Variants in DRGX observed in about 807,000 individuals in gnomAD.
DRGX encodes the protein dorsal root ganglia homeobox protein.
A neutral mutation model predicts 28.6 loss-of-function variants in DRGX; 21 were observed. That is an observed-to-expected ratio of 0.73 (90% CI 0.52 to 1.06). The LOEUF (loss-of-function observed/expected upper bound fraction) is 1.06. Among genes scored for constraint, DRGX ranks in the 50% least tolerant of loss-of-function variants. DRGX has a pLI of 0.00. For missense variants in DRGX, 354 were observed against 343.9 expected (o/e 1.03, Z -0.23); for synonymous variants, 136 against 139.1 (o/e 0.98, Z 0.16).
intron 6 of DRGX, among the ~76,000 whole-genome samples, chr10:49,380,543 T>C (rs1423958238): frequency 6.6e-6 from 1 of 152,228 alleles, no homozygotes; most frequent in Non-Finnish European, 1.5e-5. Context: ...GTAGGGTTCC[T>C]GCTCTCTTCT....
intron 6 of DRGX, among the ~76,000 whole-genome samples, chr10:49,373,869 T>G (rs1849690102): frequency 6.6e-6 from 1 of 152,142 alleles, no homozygotes; most frequent in African/African-American, 2.4e-5. Flanking sequence ...CACATAAATC[T>G]AGCTTCATAG....
chr10:49,379,577 C>T (rs1032266185), intron 6 of DRGX, among the ~76,000 whole-genome samples: 2 of 152,164 alleles, frequency 1.3e-5, no homozygotes, highest in Non-Finnish European at 2.9e-5. Context: ...CAATACAGCC[C>T]TCAGAAGCTG....
chr10:49,393,603 G>A (rs1249080092), intron 2 of DRGX, among the ~76,000 whole-genome samples: 1 of 152,128 alleles, frequency 6.6e-6, no homozygotes, highest in Non-Finnish European at 1.5e-5. Context: ...AAGATGATAG[G>A]CTATAATTAT....
At chr10:49,386,344 C>A in intron 6 of DRGX, 134 bp downstream of exon 6, 1 of 706,050 alleles carries the variant, frequency 1.4e-6, no homozygotes, top group Non-Finnish European at 2.3e-6. Flanking sequence ...GTGGCCCTGG[C>A]TGTGACTGAC....
At chr10:49,379,116 CA>C (rs1000136808) in intron 6 of DRGX, among the ~76,000 whole-genome samples, 4 of 151,614 alleles carry the variant, frequency 2.6e-5, no homozygotes, top group Non-Finnish European at 5.9e-5. Context: ...TTCTGAAATC[CA>C]AAAAAAATGC....
In DRGX at chr10:49,390,082, AG is replaced by A. The variant is rs1849884389; in HGVS notation, c.234+50del. On this transcript the variant is annotated intron_variant, in intron 4 of 6. Transcript: ENST00000374139. ...CTCTGCAGTCATGATGTCAAAAAAA[AG>A]TTTGCCAGTTTTAATATTAGAGAGT... 4 of 1,526,922 alleles carry A rather than the reference AG, an allele frequency of 2.6e-6. No homozygotes were observed. The South Asian group carries it at 3.8e-5, about 14-fold the overall frequency. 94.6% of individuals were successfully genotyped at this position (1,526,922 alleles called of 1,614,324 possible).
In DRGX at chr10:49,365,792, A is replaced by G. The variant is rs1849591357; in HGVS notation, c.*324T>C. 4.1e-6 allele frequency: 1 copy of G among 245,122 alleles called. No individual in the cohort carries two copies. The highest frequency in any genetic ancestry group is 7.8e-5 in the East Asian group (1 of 12,888). 15.2% of individuals were successfully genotyped at this position (245,122 alleles called of 1,614,324 possible). A position where few individuals can be genotyped will look rare whatever the true frequency, so the allele number is the denominator to read the frequency against. On this transcript the variant is annotated 3_prime_UTR_variant, in exon 7 of 7. Transcript: ENST00000374139. ...GCCCAGGGAGGAAATAGGAAGGGAGACGGATGAGGAATCTACCTCCCTCCG... is the reference window on the plus strand; with the variant it reads ...GCCCAGGGAGGAAATAGGAAGGGAGGCGGATGAGGAATCTACCTCCCTCCG...
intron 6 of DRGX, among the ~76,000 whole-genome samples, chr10:49,382,995 C>T (rs1414405296): frequency 6.6e-6 from 1 of 152,110 alleles, no homozygotes; most frequent in Non-Finnish European, 1.5e-5. Flanking sequence ...ACACCTCCCA[C>T]CCCCACCCAG....
chr10:49,387,851 T>C (rs1280678364), intron 4 of DRGX, among the ~76,000 whole-genome samples: 1 of 152,184 alleles, frequency 6.6e-6, no homozygotes, highest in Admixed American at 6.5e-5. Context: ...TTAATTAACT[T>C]GCCTAAGGCT....
chr10:49,389,712 A>G (rs987095714), intron 4 of DRGX, among the ~76,000 whole-genome samples: 4 of 152,210 alleles, frequency 2.6e-5, no homozygotes, highest in South Asian at 2.1e-4. Flanking sequence ...ACATGATGCA[A>G]TTTCTGGAAA....
At chr10:49,379,496 T>C (rs530636377) in intron 6 of DRGX, among the ~76,000 whole-genome samples, 19 of 152,162 alleles carry the variant, frequency 1.2e-4, no homozygotes, top group Non-Finnish European at 2.4e-4. Flanking sequence ...AAAGATGGTT[T>C]TGGGGGGCCT....
intron 6 of DRGX, among the ~76,000 whole-genome samples, chr10:49,367,447 T>C (rs1849613161): frequency 6.6e-6 from 1 of 152,216 alleles, no homozygotes; most frequent in Non-Finnish European, 1.5e-5. Flanking sequence ...GTATTATTTT[T>C]CAAATGGCTA....
At chr10:49,387,534 A>G (rs1013889864) in intron 4 of DRGX, among the ~76,000 whole-genome samples, 8 of 152,010 alleles carry the variant, frequency 5.3e-5, no homozygotes, top group Non-Finnish European at 1.0e-4. Flanking sequence ...GTGGTGGTAC[A>G]TGCCTGTAAT....
At chr10:49,387,709 A>G (rs1359965455) in intron 4 of DRGX, among the ~76,000 whole-genome samples, 1 of 151,850 alleles carries the variant, frequency 6.6e-6, no homozygotes. Flanking sequence ...GAAAAGAAAC[A>G]CTGACTCTGG....
At position 49,365,840 on chromosome 10, in the gene DRGX, T is replaced by C; in HGVS notation, c.*276A>G. ...CCGAGACTCTGGGCCTGGATGGAAATCCCAGGGAGGCTCCTCACAGAGAGG... is the reference window on the plus strand; with the variant it reads ...CCGAGACTCTGGGCCTGGATGGAAACCCCAGGGAGGCTCCTCACAGAGAGG... On this transcript the variant is annotated 3_prime_UTR_variant, in exon 7 of 7. Coordinates refer to ENST00000374139, the MANE Select transcript of DRGX (RefSeq NM_001276451.2). 3.0e-6 allele frequency: 1 copy of C among 336,902 alleles called. No individual in the cohort carries two copies. Among genetic ancestry groups the C allele is most frequent in the East Asian group, 4.6e-5 (1 of 21,632 alleles). The allele number at this position is 336,902 out of a possible 1,614,324, so 20.9% of individuals were successfully genotyped here.
chr10:49,365,956 G>T lies in DRGX; in HGVS notation c.*160C>A. On this transcript the variant is annotated 3_prime_UTR_variant, in exon 7 of 7. Coordinates refer to ENST00000374139, the MANE Select transcript of DRGX (RefSeq NM_001276451.2). ...GGTGGGACTCCAGAGGGACGCTCCA[G>T]GTGCCAAGGGAGCTGTGGGTCTCAC... The T allele has an allele frequency of 1.2e-6, 1 of 816,162 alleles. No homozygotes were observed. Among genetic ancestry groups the T allele is most frequent in the Non-Finnish European group, 1.8e-6 (1 of 570,948 alleles). 50.6% of individuals were successfully genotyped at this position (816,162 alleles called of 1,614,324 possible). A position where few individuals can be genotyped will look rare whatever the true frequency, so the allele number is the denominator to read the frequency against.
chr10:49,374,920 T>C (rs147734667), intron 6 of DRGX, among the ~76,000 whole-genome samples: 151 of 152,354 alleles, frequency 9.9e-4, no homozygotes, highest in African/African-American at 3.4e-3. Flanking sequence ...ATGAGACGTC[T>C]AACGCAAACA....
In DRGX at chr10:49,386,811, C is replaced by G. The variant is rs1229854034; in HGVS notation, c.282G>C (p.Gly94=). Residue 94 remains glycine, a synonymous_variant, in exon 5 of 7, where the codon GGG becomes GGC. Transcript: ENST00000374139. ...RRAKWRKTER[G]ASDQEPGAKE... ...TGGCTCCTGGCTCCTGGTCTGAGGC[C>G]CCTCTCTCTGTCTTCCTCCATTTGG... is the stretch of plus-strand genomic sequence containing the variant. 5 of 1,597,936 alleles carry G rather than the reference C, an allele frequency of 3.1e-6. No individual in the cohort carries two copies. The highest frequency in any genetic ancestry group is 4.3e-6 in the Non-Finnish European group (5 of 1,173,896).
intron 3 of DRGX, 116 bp downstream of exon 3, chr10:49,391,048 G>T: frequency 8.7e-7 from 1 of 1,154,262 alleles, no homozygotes; most frequent in Non-Finnish European, 1.2e-6. Flanking sequence ...AAAACAGAAA[G>T]ATTCAGTTAG....
Sources: gnomAD v4.1 joint callset for allele counts (sites outside exome capture counted in the v4.1 genomes callset) on GRCh38, gnomAD v4.1.1 for gene constraint, MANE v1.5 for transcripts, NCBI Gene and HGNC (gene_info 2026-07-23, HGNC 2026-07-21) for gene names.